Variants in PTPRG observed in about 807,000 individuals in gnomAD.
PTPRG encodes the protein protein tyrosine phosphatase receptor type G, also known as receptor-type tyrosine-protein phosphatase gamma.
Under a neutral mutation model 165.3 loss-of-function variants are expected in PTPRG, and 102 were observed. The ratio of observed to expected loss-of-function variants is 0.62; its 90% CI spans 0.53 to 0.73. The LOEUF is 0.73. Ranked by LOEUF, PTPRG falls within the 30% of genes least tolerant of loss-of-function variation. PTPRG has a pLI of 0.00. For missense variants in PTPRG, 1,866 were observed against 1,861.4 expected, an observed-to-expected ratio of 1.00 and a Z score of -0.05; for synonymous variants, 675 against 669.5, an observed-to-expected ratio of 1.01 and a Z score of -0.13.
At chr3:61,927,501 A>G (rs777584275) in intron 2 of PTPRG, among the ~76,000 whole-genome samples, 10 of 152,306 alleles carry the variant, frequency 6.6e-5, no homozygotes, top group Non-Finnish European at 1.2e-4. Flanking sequence ...ATCCTGTACT[A>G]TGGAAACAGG....
At chr3:62,116,848 T>TC (rs1220855678) in intron 5 of PTPRG, among the ~76,000 whole-genome samples, 4 of 152,226 alleles carry the variant, frequency 2.6e-5, no homozygotes, top group African/African-American at 9.6e-5. Context: ...ACTAAGGACT[T>TC]CCACGTTTTA....
chr3:61,895,460 C>T (rs926831937), intron 2 of PTPRG, among the ~76,000 whole-genome samples: 2 of 152,162 alleles, frequency 1.3e-5, no homozygotes, highest in South Asian at 2.1e-4. Flanking sequence ...GTTTACAGTT[C>T]AGCTAATCAT....
intron 1 of PTPRG, among the ~76,000 whole-genome samples, chr3:61,669,240 C>T (rs1466201883): frequency 6.6e-6 from 1 of 151,992 alleles, no homozygotes; most frequent in African/African-American, 2.4e-5. Flanking sequence ...TTTTCAGGGC[C>T]TCATTTCCAG....
At chr3:62,279,772 CGTTGGCTCATTTCTA>C (rs1702363589) in intron 26 of PTPRG, among the ~76,000 whole-genome samples, 2 of 152,072 alleles carry the variant, frequency 1.3e-5, no homozygotes, top group African/African-American at 4.8e-5. Context: ...TCTCATTGGA[CGTTGGCTCATTTCTA>C]ATGCAACAAT....
chr3:61,858,683 CT>C (rs2037180379), intron 2 of PTPRG, among the ~76,000 whole-genome samples: 1 of 152,140 alleles, frequency 6.6e-6, no homozygotes, highest in Non-Finnish European at 1.5e-5. Context: ...AATATGACTT[CT>C]GTTGAAAACA....
At chr3:61,721,947 C>T (rs1353276205) in intron 1 of PTPRG, among the ~76,000 whole-genome samples, 1 of 152,050 alleles carries the variant, frequency 6.6e-6, no homozygotes, top group African/African-American at 2.4e-5. Flanking sequence ...AGTGGTTCTC[C>T]TTAGTATGGC....
chr3:62,167,941 T>C (rs762060045), intron 7 of PTPRG, 30 bp from the exon 8 acceptor site: 19 of 1,566,414 alleles, frequency 1.2e-5, no homozygotes, highest in Admixed American at 1.1e-4. Flanking sequence ...GTTTTTTTTT[T>C]CCCCCTCCCC....
intron 6 of PTPRG, among the ~76,000 whole-genome samples, chr3:62,141,954 C>T (rs1174039009): frequency 6.6e-6 from 1 of 151,428 alleles, no homozygotes; most frequent in Admixed American, 6.6e-5. Flanking sequence ...TTCCTAATTA[C>T]CCAAACCTAG....
chr3:61,842,391 G>C lies in PTPRG; in HGVS notation c.190+93409G>C, dbSNP rs930361400. Among the ~76,000 whole-genome samples the C allele has an allele frequency of 1.9e-4, 29 of 152,254 alleles. 1 individual carries two copies. The East Asian group carries it at 5.6e-3, about 29-fold the overall frequency. ...TGGTGAGCAGCAATCCTTGACTCAAGTCTTCAGTCTGCACCTTCGAAAGTA... is the reference window on the plus strand; with the variant it reads ...TGGTGAGCAGCAATCCTTGACTCAACTCTTCAGTCTGCACCTTCGAAAGTA... On this transcript the variant is annotated intron_variant, in intron 2 of 29. Coordinates refer to ENST00000474889, the MANE Select transcript of PTPRG (RefSeq NM_002841.4).
chr3:61,800,457 T>C (rs569978318), intron 2 of PTPRG, among the ~76,000 whole-genome samples: 1 of 152,176 alleles, frequency 6.6e-6, no homozygotes, highest in African/African-American at 2.4e-5. Flanking sequence ...GTGCCTTGGC[T>C]GGGTTAGAGA....
At chr3:62,040,428 CAA>C (rs1164839709) in intron 4 of PTPRG, among the ~76,000 whole-genome samples, 1 of 152,162 alleles carries the variant, frequency 6.6e-6, no homozygotes, top group Non-Finnish European at 1.5e-5. Context: ...CGACTGTCTT[CAA>C]AGAGTTTATT....
chr3:62,182,837 A>C (rs1227547589), intron 8 of PTPRG, among the ~76,000 whole-genome samples: 3 of 152,034 alleles, frequency 2.0e-5, no homozygotes, highest in African/African-American at 7.2e-5. Flanking sequence ...TTGTATATTT[A>C]GTAGAGACGG....
intron 15 of PTPRG, among the ~76,000 whole-genome samples, chr3:62,251,174 C>T (rs531117636): frequency 1.3e-5 from 2 of 152,204 alleles, no homozygotes; most frequent in African/African-American, 2.4e-5. Flanking sequence ...GAGGATCACT[C>T]GAGCCCAAGA....
At chr3:61,635,425 C>G (rs906322033) in intron 1 of PTPRG, among the ~76,000 whole-genome samples, 3 of 151,462 alleles carry the variant, frequency 2.0e-5, no homozygotes, top group African/African-American at 7.3e-5. Flanking sequence ...GGCATGATCT[C>G]AGCTCACTGC....
intron 1 of PTPRG, among the ~76,000 whole-genome samples, chr3:61,702,171 G>GGGAAAAAAAAAC (rs2031002319): frequency 6.6e-6 from 1 of 152,050 alleles, no homozygotes; most frequent in Non-Finnish European, 1.5e-5. Context: ...GAGAGACAGG[G>GGGAAAAAAAAAC]TTTTGCCATG....
chr3:62,010,267 A>G (rs2041389887), intron 4 of PTPRG, among the ~76,000 whole-genome samples: 1 of 152,078 alleles, frequency 6.6e-6, no homozygotes, highest in Non-Finnish European at 1.5e-5. Flanking sequence ...TTATTTGTAC[A>G]TTGGCATATT....
At chr3:62,046,267 C>A (rs1422935754) in intron 4 of PTPRG, among the ~76,000 whole-genome samples, 1 of 134,238 alleles carries the variant, frequency 7.4e-6, no homozygotes, top group East Asian at 2.0e-4. Context: ...CAGAGCGTAT[C>A]CTTGCATTTT....
intron 2 of PTPRG, among the ~76,000 whole-genome samples, chr3:61,912,294 C>T (rs1186280611): frequency 6.6e-6 from 1 of 152,046 alleles, no homozygotes; most frequent in African/African-American, 2.4e-5. Flanking sequence ...AAAACAATAA[C>T]TCTTCTATTT....
rs1447435851 is a variant in PTPRG at position 62,237,694 on chromosome 3, G to A, written c.2376-6113G>A. ...CAAGAGAAAATATTCCTAATCACAA[G>A]CTTCATGTGTCCCATGTGGGCTTTT... On this transcript the variant is annotated intron_variant, in intron 14 of 29. Transcript: ENST00000474889. This position sits in a 1 kb window ranked among gnomAD's most constrained non-coding sequence, Gnocchi z 4.5. Among the ~76,000 whole-genome samples the A allele has an allele frequency of 6.6e-6, 1 of 152,146 alleles. No homozygotes were observed. The highest frequency in any genetic ancestry group is 2.4e-5 in the African/African-American group (1 of 41,410).
Sources: allele counts gnomAD v4.1 joint callset (sites outside exome capture counted in the v4.1 genomes callset), GRCh38; gene constraint gnomAD v4.1.1; non-coding constraint Gnocchi (gnomAD v3.1); transcripts MANE v1.5; gene names NCBI Gene and HGNC (gene_info 2026-07-23, HGNC 2026-07-21).